Variants in TAOK3 observed in about 807,000 individuals in gnomAD.
The protein encoded by TAOK3 is serine/threonine-protein kinase TAO3.
In TAOK3, 40 loss-of-function variants were observed where a neutral mutation model predicts 120.4. The observed-to-expected ratio is 0.33, with a 90% confidence interval of 0.26 to 0.43. The LOEUF is 0.43. Ranked by LOEUF, TAOK3 falls within the 20% of genes least tolerant of loss-of-function variation. TAOK3 has a pLI of 1.00. For synonymous variants in TAOK3, 355 were observed against 387.5 expected, an observed-to-expected ratio of 0.92 and a Z score of 0.99; for missense variants, 821 against 1,112.1, an observed-to-expected ratio of 0.74 and a Z score of 3.72.
At chr12:118,181,686 T>C (rs750034054) in intron 14 of TAOK3, 79 bp from the exon 15 acceptor site, 3 of 1,235,398 alleles carry the variant, frequency 2.4e-6, no homozygotes, top group Admixed American at 1.8e-5. Flanking sequence ...AACGGCCCTG[T>C]GGCATAATTT....
chr12:118,271,183 C>T (rs931011059), intron 1 of TAOK3, among the ~76,000 whole-genome samples: 8 of 152,096 alleles, frequency 5.3e-5, no homozygotes, highest in Admixed American at 5.2e-4. Context: ...ATACACTCTG[C>T]CCATTTAAAG....
chr12:118,240,468 C>T (rs867392989), intron 5 of TAOK3, among the ~76,000 whole-genome samples: 64 of 152,030 alleles, frequency 4.2e-4, no homozygotes, highest in African/African-American at 7.7e-4. Flanking sequence ...TGTGAGCCAC[C>T]GTGCCCGGCC....
Position 118,246,963 on chromosome 12 carries a change from T to C in TAOK3, c.121-1998A>G. On this transcript the variant is annotated intron_variant, in intron 3 of 20. Coordinates refer to ENST00000392533, the MANE Select transcript of TAOK3 (RefSeq NM_016281.4). ...TCAGGATCCAGCTGTGGCTACAACA[T>C]AGGGTTTTTATACAAGAAAAATAAA... 5 of 1,098,098 alleles carry C rather than the reference T, an allele frequency of 4.6e-6. No homozygotes were observed. The South Asian group carries it at 4.8e-5, about 10-fold the overall frequency. 68.0% of individuals were successfully genotyped at this position (1,098,098 alleles called of 1,614,324 possible).
In TAOK3 at chr12:118,233,659, T is replaced by C; in HGVS notation, c.643+15A>G. 2 of 1,555,668 alleles carry C rather than the reference T, an allele frequency of 1.3e-6. No individual in the cohort carries two copies. The stretch of plus-strand genomic sequence containing the variant: ...TTTTAAAAAATACAATGAAAACAAA[T>C]AACTCTTTACTCACCCAATTCAATA... On this transcript the variant is annotated intron_variant, in intron 9 of 20. Transcript: ENST00000392533.
intron 1 of TAOK3, among the ~76,000 whole-genome samples, chr12:118,367,079 T>G (rs986163053): frequency 6.6e-6 from 1 of 152,152 alleles, no homozygotes; most frequent in Non-Finnish European, 1.5e-5. Flanking sequence ...AAAAAAATGT[T>G]TATTCCAGGC....
intron 1 of TAOK3, among the ~76,000 whole-genome samples, chr12:118,292,445 A>T (rs976033188): frequency 2.0e-5 from 3 of 152,176 alleles, no homozygotes; most frequent in East Asian, 1.9e-4. Flanking sequence ...GTAATCAACA[A>T]CATCATCATC....
At chr12:118,272,481 A>G (rs1015457857) in intron 1 of TAOK3, among the ~76,000 whole-genome samples, 1 of 152,146 alleles carries the variant, frequency 6.6e-6, no homozygotes, top group Non-Finnish European at 1.5e-5. Context: ...CTCTGGCAGC[A>G]CTATCCTGGA....
chr12:118,259,226 TA>T (rs1252000566), intron 2 of TAOK3, among the ~76,000 whole-genome samples: 32 of 152,154 alleles, frequency 2.1e-4, no homozygotes. Context: ...GGGCTGGATT[TA>T]TTATCTGCCA....
chr12:118,288,960 A>G (rs61945225), intron 1 of TAOK3, among the ~76,000 whole-genome samples: 13,874 of 150,124 alleles, frequency 0.092, 823 homozygotes, highest in Non-Finnish European at 0.13. Flanking sequence ...GAAAGATAGC[A>G]TGCTTAGGAA....
chr12:118,264,194 A>G (rs1374177536), intron 2 of TAOK3, among the ~76,000 whole-genome samples: 1 of 152,232 alleles, frequency 6.6e-6, no homozygotes, highest in Non-Finnish European at 1.5e-5. Flanking sequence ...AAAGTTAAAC[A>G]TACACCTATC....
chr12:118,229,930 TA>T (rs1026821593), intron 9 of TAOK3, among the ~76,000 whole-genome samples: 2 of 150,954 alleles, frequency 1.3e-5, no homozygotes, highest in East Asian at 1.9e-4. Context: ...GACTCTGTCT[TA>T]AAAAAAAATA....
In TAOK3 at chr12:118,212,942, T is replaced by C. The variant is rs2038704165; in HGVS notation, c.791A>G (p.Glu264Gly). ...VDYCLQKIPQ[E>G]RPTSAELLRH... ...TAATAGTTCTGCTGATGTTGGCCTTTCCTGAGGTATTTTCTGCAAGCAGTA... is the reference window on the plus strand; with the variant it reads ...TAATAGTTCTGCTGATGTTGGCCTTCCCTGAGGTATTTTCTGCAAGCAGTA... Residue 264 changes from glutamate (E) to glycine (G), a missense_variant, in exon 11 of 21, where the codon GAA becomes GGA. Physicochemically the swap from Glu to Gly is moderately conservative, Grantham distance 98 (BLOSUM62 -2). Transcript: ENST00000392533. The C allele has an allele frequency of 5.6e-6, 9 of 1,613,122 alleles. No individual in the cohort carries two copies. The highest frequency in any genetic ancestry group is 6.8e-6 in the Non-Finnish European group (8 of 1,179,676).
At chr12:118,178,049 C>A (rs770698534) in intron 15 of TAOK3, among the ~76,000 whole-genome samples, 2 of 152,012 alleles carry the variant, frequency 1.3e-5, no homozygotes, top group African/African-American at 2.4e-5. Context: ...CGGGATCCAG[C>A]GATCCTCCTG....
intron 1 of TAOK3, chr12:118,295,091 T>C (rs1866520621): frequency 6.8e-6 from 1 of 147,258 alleles, no homozygotes; most frequent in South Asian, 2.1e-4. Flanking sequence ...AGTTTTGCTC[T>C]TGTTGCCCAG....
chr12:118,247,015 T>C, intron 3 of TAOK3: 3 of 855,418 alleles, frequency 3.5e-6, no homozygotes, highest in Non-Finnish European at 5.3e-6. Context: ...AAAAAAATTA[T>C]AAAAGAATTT....
At chr12:118,191,649 C>G (rs182006587) in intron 13 of TAOK3, among the ~76,000 whole-genome samples, 1 of 151,976 alleles carries the variant, frequency 6.6e-6, no homozygotes, top group Admixed American at 6.6e-5. Flanking sequence ...TGATTTCTCG[C>G]GAAATTTGAA....
At chr12:118,278,072 C>T (rs1008327672) in intron 1 of TAOK3, among the ~76,000 whole-genome samples, 12 of 152,078 alleles carry the variant, frequency 7.9e-5, no homozygotes, top group South Asian at 4.1e-4. Flanking sequence ...AACCTGCCCC[C>T]ACCCCAAAAG....
At chr12:118,269,515 C>T (rs540089578) in intron 1 of TAOK3, among the ~76,000 whole-genome samples, 62 of 151,006 alleles carry the variant, frequency 4.1e-4, no homozygotes, top group South Asian at 2.1e-3. Flanking sequence ...GGATTACAGG[C>T]GTGCACCACC....
At chr12:118,275,309 A>AT (rs2041866681) in intron 1 of TAOK3, among the ~76,000 whole-genome samples, 1 of 151,662 alleles carries the variant, frequency 6.6e-6, no homozygotes, top group African/African-American at 2.4e-5. Context: ...CAGCTAACTT[A>AT]TTTTTTGTAG....
Sources: gnomAD v4.1 joint callset for allele counts (sites outside exome capture counted in the v4.1 genomes callset) on GRCh38, gnomAD v4.1.1 for gene constraint, MANE v1.5 for transcripts, NCBI Gene and HGNC (gene_info 2026-07-23, HGNC 2026-07-21) for gene names.